The following CNTN5 variants were observed in gnomAD, a reference collection of about 807,000 sequenced individuals.
CNTN5 encodes contactin-5.
CNTN5 carries 77 observed loss-of-function variants against 129.1 expected under a neutral mutation model. The observed-to-expected ratio is 0.60, with a 90% CI of 0.50 to 0.72. The LOEUF is 0.72. Among genes scored for constraint, CNTN5 ranks in the 30% least tolerant of loss-of-function variants. The pLI is 0.00. For missense variants in CNTN5, 1,478 were observed against 1,328.8 expected, an observed-to-expected ratio of 1.11 and a Z score of -1.75; for synonymous variants, 509 against 465.6, an observed-to-expected ratio of 1.09 and a Z score of -1.20.
intron 1 of CNTN5, among the ~76,000 whole-genome samples, chr11:99,311,480 TG>T (rs1865113710): frequency 6.6e-6 from 1 of 152,174 alleles, no homozygotes; most frequent in South Asian, 2.1e-4. Context: ...ATTTCATTTT[TG>T]TTTAATATTT....
intron 1 of CNTN5, among the ~76,000 whole-genome samples, chr11:99,033,217 G>T (rs1006196656): frequency 2.0e-5 from 3 of 151,408 alleles, no homozygotes; most frequent in Admixed American, 2.0e-4. Context: ...CTCCAGCTTT[G>T]TTCTTTTGGC....
intron 2 of CNTN5, among the ~76,000 whole-genome samples, chr11:99,444,692 A>G (rs1219179042): frequency 6.6e-6 from 1 of 152,078 alleles, no homozygotes; most frequent in African/African-American, 2.4e-5. Context: ...TGTAGTATAG[A>G]TATACTTACA....
At chr11:99,840,275 C>A (rs1947442700) in intron 4 of CNTN5, among the ~76,000 whole-genome samples, 2 of 151,970 alleles carry the variant, frequency 1.3e-5, no homozygotes, top group Non-Finnish European at 2.9e-5. Flanking sequence ...TACATCTTAA[C>A]TATGCAAAAA....
At chr11:99,269,989 G>T (rs191725366) in intron 1 of CNTN5, among the ~76,000 whole-genome samples, 2 of 151,900 alleles carry the variant, frequency 1.3e-5, no homozygotes, top group East Asian at 3.9e-4. Context: ...ACATTTACAT[G>T]CTATGGACTA....
intron 17 of CNTN5, among the ~76,000 whole-genome samples, chr11:100,259,344 G>C (rs1045482656): frequency 2.0e-5 from 3 of 152,044 alleles, no homozygotes; most frequent in East Asian, 1.9e-4. Context: ...CACAATAATA[G>C]TGGGAGACTT....
At chr11:99,579,074 T>C (rs1398988777) in intron 3 of CNTN5, among the ~76,000 whole-genome samples, 3 of 152,126 alleles carry the variant, frequency 2.0e-5, no homozygotes, top group Admixed American at 1.3e-4. Context: ...CCAGCACCAT[T>C]TATTAAATAG....
chr11:99,719,982 G>T (rs747264911), intron 3 of CNTN5, among the ~76,000 whole-genome samples: 9 of 152,058 alleles, frequency 5.9e-5, no homozygotes, highest in Middle Eastern at 3.2e-3. Flanking sequence ...GAGCTAGGTA[G>T]AAATCAATTC....
intron 21 of CNTN5, among the ~76,000 whole-genome samples, chr11:100,318,113 C>T: frequency 6.6e-6 from 1 of 151,502 alleles, no homozygotes; most frequent in Non-Finnish European, 1.5e-5. Flanking sequence ...CGGTGGTGGG[C>T]GCCTGTAGTC....
Position 100,185,515 on chromosome 11 carries a change from G to A in CNTN5, c.1581-5611G>A, listed in dbSNP as rs569411540. On this transcript the variant is annotated intron_variant, in intron 13 of 24. Transcript: ENST00000524871. Reference sequence around the variant, plus strand: ...GTATTTATTTCCTGGCTTCCTACAAGTACACAATACATTAAGGGGAAAAAT... The same window carrying A: ...GTATTTATTTCCTGGCTTCCTACAAATACACAATACATTAAGGGGAAAAAT... 2.6e-5 allele frequency among the ~76,000 whole-genome samples: 4 copies of A among 152,164 alleles called. No individual in the cohort carries two copies. In the South Asian group the frequency reaches 6.2e-4, roughly 24 times the overall value.
At chr11:99,549,412 C>T (rs1948408654) in intron 2 of CNTN5, among the ~76,000 whole-genome samples, 1 of 152,034 alleles carries the variant, frequency 6.6e-6, no homozygotes, top group East Asian at 1.9e-4. Context: ...GGGCCCTAGG[C>T]TTTGGTTTTG....
intron 4 of CNTN5, among the ~76,000 whole-genome samples, chr11:99,826,567 G>A (rs1946965029): frequency 6.6e-6 from 1 of 152,178 alleles, no homozygotes. Context: ...AAGCAAAATT[G>A]AGGAAGTGAT....
chr11:99,549,783 A>G (rs187115015), intron 2 of CNTN5, among the ~76,000 whole-genome samples: 1 of 152,196 alleles, frequency 6.6e-6, no homozygotes, highest in East Asian at 1.9e-4. Flanking sequence ...ACCCTGTTCT[A>G]ATATCAGTCA....
chr11:100,033,878 G>A (rs567147203), intron 9 of CNTN5, among the ~76,000 whole-genome samples: 18 of 152,024 alleles, frequency 1.2e-4, no homozygotes, highest in Non-Finnish European at 1.8e-4. Context: ...TGAAAGTCTC[G>A]GACAAAAGAT....
chr11:100,073,741 T>C, intron 12 of CNTN5, among the ~76,000 whole-genome samples: 1 of 152,104 alleles, frequency 6.6e-6, no homozygotes, highest in East Asian at 1.9e-4. Context: ...TTAAGATTCG[T>C]AGATGGGAAA....
intron 6 of CNTN5, among the ~76,000 whole-genome samples, chr11:99,881,237 C>T (rs1442764552): frequency 6.6e-6 from 1 of 152,124 alleles, no homozygotes; most frequent in African/African-American, 2.4e-5. Context: ...ACTACACACT[C>T]TTGTGAAATA....
intron 2 of CNTN5, among the ~76,000 whole-genome samples, chr11:99,439,747 C>T (rs1185112429): frequency 1.3e-5 from 2 of 148,226 alleles, no homozygotes; most frequent in Admixed American, 1.3e-4. Flanking sequence ...AAAGAAATAT[C>T]ACAAATTTGT....
chr11:99,127,193 C>T (rs1858681019), intron 1 of CNTN5, among the ~76,000 whole-genome samples: 1 of 152,184 alleles, frequency 6.6e-6, no homozygotes, highest in African/African-American at 2.4e-5. Context: ...ATATTTATTA[C>T]TTCGCTCATG....
Position 99,573,986 on chromosome 11 carries a change from A to G in CNTN5, c.55+17717A>G, listed in dbSNP as rs1393805979. 2.0e-5 allele frequency among the ~76,000 whole-genome samples: 3 copies of G among 152,218 alleles called. No individual in the cohort carries two copies. The East Asian group carries it at 5.8e-4, about 29-fold the overall frequency. ...TTTGTTACGTAAGTATACACATGCC[A>G]TGGTGGTTTGCTGCACCCATCAACC... On this transcript the variant is annotated intron_variant, in intron 3 of 24. Coordinates refer to ENST00000524871, the MANE Select transcript of CNTN5 (RefSeq NM_014361.4).
chr11:99,615,177 C>T (rs1950722177), intron 3 of CNTN5, among the ~76,000 whole-genome samples: 1 of 151,202 alleles, frequency 6.6e-6, no homozygotes, highest in African/African-American at 2.4e-5. Context: ...TATTTGATAA[C>T]TAAGAAATCA....
Sources: gnomAD v4.1 joint callset for allele counts (sites outside exome capture counted in the v4.1 genomes callset) on GRCh38, gnomAD v4.1.1 for gene constraint, MANE v1.5 for transcripts, NCBI Gene and HGNC (gene_info 2026-07-23, HGNC 2026-07-21) for gene names.